Variants in PTPRD observed in about 807,000 individuals in gnomAD.
The protein encoded by PTPRD is receptor-type tyrosine-protein phosphatase delta.
Under a neutral mutation model 214.5 loss-of-function variants are expected in PTPRD, and 34 were observed. That is an observed-to-expected ratio of 0.16 (90% confidence interval 0.12 to 0.21). The LOEUF (loss-of-function observed/expected upper bound fraction) is 0.21. Ranked by LOEUF, PTPRD falls within the 10% of genes least tolerant of loss-of-function variation. PTPRD has a pLI of 1.00. For missense variants in PTPRD, 2,545 were observed against 2,398.7 expected (o/e 1.06, Z -1.27); for synonymous variants, 1,128 against 845.7 (o/e 1.33, Z -5.79).
chr9:9,769,317 C>CTTTTTTTTTTTTTT (rs34497562), intron 5 of PTPRD, among the ~76,000 whole-genome samples: 4 of 69,594 alleles, frequency 5.7e-5, no homozygotes, highest in Non-Finnish European at 7.6e-5. Context: ...ACCAGAAGCC[C>CTTTTTTTTTTTTTT]TTTTTTTTTT....
chr9:10,574,430 G>A (rs368015317), intron 2 of PTPRD, among the ~76,000 whole-genome samples: 1 of 152,006 alleles, frequency 6.6e-6, no homozygotes, highest in African/African-American at 2.4e-5. Context: ...GAGGTAGTCG[G>A]TACAGGTATA....
intron 14 of PTPRD, among the ~76,000 whole-genome samples, chr9:8,610,986 A>G (rs2095426266): frequency 6.6e-6 from 1 of 152,184 alleles, no homozygotes; most frequent in Admixed American, 6.5e-5. Flanking sequence ...ATGGTTTTAT[A>G]TTTTCATGTT....
At chr9:8,941,098 C>T (rs572993922) in intron 11 of PTPRD, among the ~76,000 whole-genome samples, 1 of 152,180 alleles carries the variant, frequency 6.6e-6, no homozygotes, top group East Asian at 1.9e-4. Flanking sequence ...TTTTTCCTGA[C>T]CCTCCCACCA....
At chr9:8,751,807 C>T (rs902024410) in intron 11 of PTPRD, among the ~76,000 whole-genome samples, 2 of 152,158 alleles carry the variant, frequency 1.3e-5, no homozygotes, top group Non-Finnish European at 2.9e-5. Context: ...GTATTTAACC[C>T]TCTGTCTTAA....
At chr9:8,846,098 T>C (rs1433357613) in intron 11 of PTPRD, among the ~76,000 whole-genome samples, 2 of 152,154 alleles carry the variant, frequency 1.3e-5, no homozygotes, top group Non-Finnish European at 2.9e-5. Flanking sequence ...GGCATATGAG[T>C]AGATACACAC....
chr9:8,325,657 C>T (rs965160173), intron 44 of PTPRD, among the ~76,000 whole-genome samples: 1 of 151,544 alleles, frequency 6.6e-6, no homozygotes, highest in Non-Finnish European at 1.5e-5. Context: ...GGCATTGAAT[C>T]TATAAATTAC....
intron 10 of PTPRD, among the ~76,000 whole-genome samples, chr9:9,045,850 T>C (rs1390363649): frequency 1.3e-5 from 2 of 152,090 alleles, no homozygotes; most frequent in Admixed American, 6.6e-5. Context: ...ATGCAGACTT[T>C]TTAGGGTTGT....
intron 3 of PTPRD, among the ~76,000 whole-genome samples, chr9:10,193,780 A>G (rs2099384853): frequency 6.6e-6 from 1 of 152,194 alleles, no homozygotes; most frequent in Admixed American, 6.5e-5. Flanking sequence ...TTCAGATACA[A>G]AAAGTAATAT....
At chr9:10,139,567 G>C (rs1158189929) in intron 3 of PTPRD, among the ~76,000 whole-genome samples, 1 of 151,784 alleles carries the variant, frequency 6.6e-6, no homozygotes, top group Non-Finnish European at 1.5e-5. Context: ...AACCTGAATG[G>C]CAAAAGGTAT....
chr9:10,253,689 T>C (rs1037694992), intron 3 of PTPRD, among the ~76,000 whole-genome samples: 7 of 152,204 alleles, frequency 4.6e-5, no homozygotes, highest in Non-Finnish European at 2.9e-5. Context: ...GCTTGGGTAG[T>C]ATCAGCCCAT....
intron 10 of PTPRD, among the ~76,000 whole-genome samples, chr9:9,098,674 C>T (rs979483300): frequency 6.6e-5 from 10 of 152,246 alleles, no homozygotes; most frequent in East Asian, 1.9e-4. Context: ...ATGTACCCAT[C>T]GACTTACATA....
chr9:9,720,354 T>A (rs971840204), intron 7 of PTPRD, among the ~76,000 whole-genome samples: 3 of 152,136 alleles, frequency 2.0e-5, no homozygotes, highest in Non-Finnish European at 4.4e-5. Flanking sequence ...TACAACTGAA[T>A]CTCAAGGAAC....
At chr9:9,420,200 T>A (rs545954386) in intron 8 of PTPRD, among the ~76,000 whole-genome samples, 3 of 151,952 alleles carry the variant, frequency 2.0e-5, no homozygotes, top group East Asian at 3.9e-4. Flanking sequence ...AAAATAACTA[T>A]AATTTTAATT....
At chr9:9,089,869 T>A (rs1424389492) in intron 10 of PTPRD, among the ~76,000 whole-genome samples, 1 of 152,174 alleles carries the variant, frequency 6.6e-6, no homozygotes, top group African/African-American at 2.4e-5. Flanking sequence ...CCATATTTAC[T>A]CCTTTCACTG....
chr9:8,396,636 A>G (rs920193856), intron 36 of PTPRD, among the ~76,000 whole-genome samples: 3 of 152,176 alleles, frequency 2.0e-5, no homozygotes, highest in African/African-American at 7.2e-5. Context: ...GCAAAAAACA[A>G]CACAGCCAGC....
intron 12 of PTPRD, among the ~76,000 whole-genome samples, chr9:8,672,444 T>G (rs1206134600): frequency 6.6e-6 from 1 of 152,214 alleles, no homozygotes; most frequent in Non-Finnish European, 1.5e-5. Flanking sequence ...CAACTTTGTC[T>G]AAATGTAATC....
chr9:8,818,561 C>G (rs1407685285), intron 11 of PTPRD, among the ~76,000 whole-genome samples: 1 of 152,168 alleles, frequency 6.6e-6, no homozygotes, highest in African/African-American at 2.4e-5. Context: ...GATTAAAACA[C>G]TGAGACTCAG....
chr9:10,441,228 T>C (rs1416244443), intron 2 of PTPRD, among the ~76,000 whole-genome samples: 2 of 151,694 alleles, frequency 1.3e-5, no homozygotes, highest in African/African-American at 4.8e-5. Flanking sequence ...ATTCAACTGC[T>C]TTCCACAATA....
At chr9:8,323,081 A>G (rs10976951) in intron 44 of PTPRD, among the ~76,000 whole-genome samples, 15,595 of 152,212 alleles carry the variant, frequency 0.1, 925 homozygotes, top group African/African-American at 0.14. Context: ...TGTACCAAAT[A>G]GCCCAGTTCT....
Sources: allele counts gnomAD v4.1 joint callset (sites outside exome capture counted in the v4.1 genomes callset), GRCh38; gene constraint gnomAD v4.1.1; transcripts MANE v1.5; gene names NCBI Gene and HGNC (gene_info 2026-07-23, HGNC 2026-07-21).